Variants in MED13 observed in about 807,000 individuals in gnomAD.
The protein encoded by MED13 is mediator of RNA polymerase II transcription subunit 13.
MED13 carries 23 observed loss-of-function variants against 225.2 expected under a neutral mutation model. The ratio of observed to expected loss-of-function variants is 0.10; its 90% confidence interval spans 0.07 to 0.14. The LOEUF is 0.14. Among genes scored for constraint, MED13 ranks in the 10% least tolerant of loss-of-function variants. MED13 has a pLI of 1.00. For synonymous variants in MED13, 942 were observed against 889.2 expected, an observed-to-expected ratio of 1.06 and a Z score of -1.06; for missense variants, 2,197 against 2,594.5, an observed-to-expected ratio of 0.85 and a Z score of 3.33.
At chr17:62,019,876 TG>T (rs1222855931) in intron 8 of MED13, among the ~76,000 whole-genome samples, 1 of 151,958 alleles carries the variant, frequency 6.6e-6, no homozygotes, top group African/African-American at 2.4e-5. Flanking sequence ...CCCGAGTAGC[TG>T]GGACTATAGG....
At chr17:62,064,910 T>G (rs1603411131) in intron 1 of MED13, among the ~76,000 whole-genome samples, 1 of 151,116 alleles carries the variant, frequency 6.6e-6, no homozygotes, top group Non-Finnish European at 1.5e-5. Flanking sequence ...AGAAGGAGAG[T>G]CCGAAACAAG....
At chr17:62,052,744 T>A in intron 2 of MED13, 39 bp from the exon 3 acceptor site, 1 of 1,467,022 alleles carries the variant, frequency 6.8e-7, no homozygotes, top group Non-Finnish European at 9.2e-7. Context: ...ATAGTGACAC[T>A]ATAATCTATT....
intron 9 of MED13, among the ~76,000 whole-genome samples, chr17:62,010,149 A>G (rs58241345): frequency 0.16 from 24,290 of 151,336 alleles, 2,390 homozygotes; most frequent in East Asian, 0.5. Flanking sequence ...TTGAACCCAG[A>G]GGCGGAAATT....
intron 8 of MED13, among the ~76,000 whole-genome samples, chr17:62,027,588 A>G (rs1314274290): frequency 6.6e-6 from 1 of 152,260 alleles, no homozygotes; most frequent in East Asian, 1.9e-4. Context: ...GATGGGATCT[A>G]ATTAAACTAA....
chr17:62,016,783 C>T (rs1199193805), intron 8 of MED13, among the ~76,000 whole-genome samples: 10 of 152,060 alleles, frequency 6.6e-5, no homozygotes, highest in Admixed American at 1.3e-4. Flanking sequence ...CCAAGGCGGA[C>T]GGAACACCTG....
intron 11 of MED13, among the ~76,000 whole-genome samples, chr17:61,990,627 G>GTGTGTA (rs906431943): frequency 8.6e-5 from 12 of 139,010 alleles, no homozygotes; most frequent in African/African-American, 2.7e-4. Context: ...GGCGCACTGT[G>GTGTGTA]TATATATATA....
intron 5 of MED13, among the ~76,000 whole-genome samples, chr17:62,032,077 T>C (rs2080762371): frequency 6.6e-6 from 1 of 151,970 alleles, no homozygotes; most frequent in Non-Finnish European, 1.5e-5. Flanking sequence ...GCCTAAAAAA[T>C]GTGTGTTTTT....
At chr17:61,975,456 T>C (rs548209954) in intron 16 of MED13, among the ~76,000 whole-genome samples, 1 of 152,276 alleles carries the variant, frequency 6.6e-6, no homozygotes, top group African/African-American at 2.4e-5. Context: ...AAGATGACTA[T>C]AATAAGAAAA....
At chr17:61,955,897 T>G in intron 24 of MED13, 59 bp from the exon 25 acceptor site, 10 of 1,442,390 alleles carry the variant, frequency 6.9e-6, no homozygotes, top group Non-Finnish European at 9.1e-6. Context: ...GTAACAGCAT[T>G]ATTAATATCC....
chr17:62,033,140 G>A lies in MED13; in HGVS notation c.814+647C>T, dbSNP rs557762288. On this transcript the variant is annotated intron_variant, in intron 5 of 29. Coordinates refer to ENST00000397786, the MANE Select transcript of MED13 (RefSeq NM_005121.3). ...TGCACTCCAGCCTGGGCAACAGAGC[G>A]AGACTCCACCTCAAAAAAATAAAAA... Among the ~76,000 whole-genome samples, 128 of 151,934 alleles carry A rather than the reference G, an allele frequency of 8.4e-4. No individual in the cohort carries two copies. The South Asian group carries it at 9.8e-3, about 12-fold the overall frequency.
chr17:61,956,018 G>A (rs961104646), intron 24 of MED13, among the ~76,000 whole-genome samples, 180 bp from the exon 25 acceptor site: 2 of 152,040 alleles, frequency 1.3e-5, no homozygotes, highest in East Asian at 1.9e-4. Context: ...TGATGCTACT[G>A]AACATTCTTT....
At chr17:62,016,426 T>G (rs2080582172) in intron 8 of MED13, among the ~76,000 whole-genome samples, 1 of 152,152 alleles carries the variant, frequency 6.6e-6, no homozygotes, top group Non-Finnish European at 1.5e-5. Context: ...CTCCAACTGC[T>G]AGAAGGTAAA....
At chr17:61,963,028 A>G in intron 20 of MED13, 57 bp from the exon 21 acceptor site, 1 of 1,465,192 alleles carries the variant, frequency 6.8e-7, no homozygotes, top group Non-Finnish European at 9.5e-7. Flanking sequence ...TTGGGGTAGC[A>G]TCTAAGCAGG....
intron 23 of MED13, among the ~76,000 whole-genome samples, chr17:61,959,367 AATG>A (rs1230746388): frequency 6.6e-6 from 1 of 152,106 alleles, no homozygotes; most frequent in Non-Finnish European, 1.5e-5. Flanking sequence ...AAGGTAGTAA[AATG>A]ATAATACTAT....
intron 10 of MED13, among the ~76,000 whole-genome samples, chr17:61,993,191 TC>T (rs2080315872): frequency 7.2e-6 from 1 of 138,584 alleles, no homozygotes; most frequent in African/African-American, 3.3e-5. Context: ...GTTCTTTCTT[TC>T]TTTCTTTCTT....
At chr17:62,017,994 T>C (rs2080599876) in intron 8 of MED13, among the ~76,000 whole-genome samples, 1 of 152,208 alleles carries the variant, frequency 6.6e-6, no homozygotes, top group African/African-American at 2.4e-5. Flanking sequence ...TTTGGTCATT[T>C]GGCAGATTTG....
At position 61,982,418 on chromosome 17, in the gene MED13, C is replaced by T. The variant is rs754388791; in HGVS notation, c.3585G>A (p.Gln1195=). 1.2e-6 allele frequency: 2 copies of T among 1,614,184 alleles called. No homozygotes were observed. Among genetic ancestry groups the T allele is most frequent in the South Asian group, 2.2e-5 (2 of 91,082 alleles). Residue 1195 remains glutamine, a synonymous_variant, in exon 16 of 30, where the codon CAG becomes CAA. Coordinates refer to ENST00000397786, the MANE Select transcript of MED13 (RefSeq NM_005121.3). ...CAAAGGGTGAAAATAAATTAGTGCA[C>T]TGATCTTGTAGCAATAATATCAAAT... ...SDDLILLLQD[Q]CTNLFSPFGA... is the part of the protein sequence containing the mutation.
intron 2 of MED13, among the ~76,000 whole-genome samples, chr17:62,062,736 A>G: frequency 6.6e-6 from 1 of 152,082 alleles, no homozygotes; most frequent in Admixed American, 6.6e-5. Flanking sequence ...CTTCTAAACT[A>G]TTACACGACT....
chr17:62,010,893 C>T lies in MED13; in HGVS notation c.1624G>A (p.Asp542Asn), dbSNP rs771267197. ...TTAGTCACTCCTTCATCAACCACAT[C>T]ACAAGGGTGAGGACTAAGTGGGGGT... is the stretch of plus-strand genomic sequence containing the variant. ...QPPPLSPHPC[D>N]VVDEGVTKTP... The change falls in exon 9 of 30, where the codon GAT becomes AAT. Residue 542 changes from aspartate to asparagine, a missense_variant. Transcript: ENST00000397786. 2.5e-6 allele frequency: 4 copies of T among 1,613,958 alleles called. No individual in the cohort carries two copies. The highest frequency in any genetic ancestry group is 4.5e-5 in the East Asian group (2 of 44,900).
Sources: allele counts gnomAD v4.1 joint callset (sites outside exome capture counted in the v4.1 genomes callset), GRCh38; gene constraint gnomAD v4.1.1; transcripts MANE v1.5; gene names NCBI Gene and HGNC (gene_info 2026-07-23, HGNC 2026-07-21).